Variants in PAX3 observed in about 807,000 individuals in gnomAD.
The protein encoded by PAX3 is paired box protein Pax-3.
Under a neutral mutation model 51.6 loss-of-function variants are expected in PAX3, and 14 were observed. The ratio of observed to expected loss-of-function variants is 0.27; its 90% CI spans 0.18 to 0.42. The LOEUF (loss-of-function observed/expected upper bound fraction) is 0.42, where lower values mean the gene tolerates loss of function less well. PAX3 is among the 10% of genes least tolerant of loss of function. The probability of loss-of-function intolerance (pLI) is 1.00; values close to 1 mark genes in which losing one functional copy is unlikely to be tolerated. For synonymous variants in PAX3, 280 were observed against 253.4 expected, an observed-to-expected ratio of 1.11 and a Z score of -1.00; for missense variants, 540 against 642.8, an observed-to-expected ratio of 0.84 and a Z score of 1.73.
chr2:222,213,199 G>C (rs1691815864), intron 7 of PAX3, among the ~76,000 whole-genome samples: 1 of 152,094 alleles, frequency 6.6e-6, no homozygotes, highest in Non-Finnish European at 1.5e-5. Flanking sequence ...CCAGGTCGTT[G>C]TCTCTTTCAC....
intron 4 of PAX3, among the ~76,000 whole-genome samples, chr2:222,240,968 C>CTGAT (rs1692991938): frequency 6.6e-6 from 1 of 152,148 alleles, no homozygotes; most frequent in African/African-American, 2.4e-5. Context: ...ATTAGGAAAA[C>CTGAT]TGATTAATTA....
intron 4 of PAX3, among the ~76,000 whole-genome samples, chr2:222,245,436 A>G (rs1326348379): frequency 6.6e-6 from 1 of 152,248 alleles, no homozygotes; most frequent in Admixed American, 6.5e-5. Flanking sequence ...GATCATTTTT[A>G]TTAGTGTCCA....
At chr2:222,250,333 CA>C (rs986755963) in intron 4 of PAX3, among the ~76,000 whole-genome samples, 2 of 152,078 alleles carry the variant, frequency 1.3e-5, no homozygotes, top group African/African-American at 4.8e-5. Flanking sequence ...TGAGAATTTG[CA>C]AACAACCTTG....
Position 222,298,546 on chromosome 2 carries a change from C to G in PAX3, c.70G>C (p.Gly24Arg). 1.2e-6 allele frequency: 2 copies of G among 1,605,192 alleles called. No individual in the cohort carries two copies. The highest frequency in any genetic ancestry group is 1.7e-6 in the Non-Finnish European group (2 of 1,176,468). Reference sequence around the variant, plus strand: ...CCTCCCTTACCTTCCAGCGGGAACCCGCTACGCGGGTAGTTCTGCCCCGGG... The same window carrying G: ...CCTCCCTTACCTTCCAGCGGGAACCGGCTACGCGGGTAGTTCTGCCCCGGG... Reference protein sequence around the residue: ...PGPGQNYPRSGFPLEVSTPLG... With the variant: ...PGPGQNYPRSRFPLEVSTPLG... Residue 24 changes from glycine to arginine, a missense_variant, in exon 1 of 9, where the codon GGG (glycine) becomes CGG (arginine). This residue lies in a region of PAX3 where 63 missense variants were observed against 49.9 expected (regional missense o/e 1.26). Coordinates refer to ENST00000392070, the MANE Select transcript of PAX3 (RefSeq NM_181458.4).
At chr2:222,221,543 G>C in intron 5 of PAX3, 156 bp from the exon 6 acceptor site, 2 of 720,324 alleles carry the variant, frequency 2.8e-6, no homozygotes, top group Non-Finnish European at 4.8e-6. Flanking sequence ...CGAATTGTCA[G>C]GAGTAAAAGA....
At chr2:222,244,403 A>C (rs982163340) in intron 4 of PAX3, among the ~76,000 whole-genome samples, 1 of 152,190 alleles carries the variant, frequency 6.6e-6, no homozygotes, top group Non-Finnish European at 1.5e-5. Context: ...TCATCAGCAA[A>C]GTAGGGTTTA....
chr2:222,221,600 T>G (rs1320311676), intron 5 of PAX3: 2 of 529,994 alleles, frequency 3.8e-6, no homozygotes, highest in Non-Finnish European at 6.8e-6. Flanking sequence ...GGACCCACCA[T>G]GATCTTGCAA....
chr2:222,238,657 A>G (rs1053878572), intron 4 of PAX3, among the ~76,000 whole-genome samples: 4 of 152,158 alleles, frequency 2.6e-5, no homozygotes, highest in African/African-American at 9.7e-5. Context: ...TTACTATAAG[A>G]TGGCCTCATA....
Position 222,201,384 on chromosome 2 carries a change from T to G in PAX3, c.*24A>C, listed in dbSNP as rs1160965299. On this transcript the variant is annotated 3_prime_UTR_variant, in exon 9 of 9. Coordinates refer to ENST00000392070, the MANE Select transcript of PAX3 (RefSeq NM_181458.4). ...TGCGAAGACCAGAAACAGGGCCAGT[T>G]TTAGCTCCAAGTGGACAGTTCACTT... The G allele has an allele frequency of 6.2e-7, 1 of 1,613,694 alleles. No homozygotes were observed. The highest frequency in any genetic ancestry group is 8.5e-7 in the Non-Finnish European group (1 of 1,180,004).
chr2:222,238,086 A>G (rs548803475), intron 4 of PAX3, among the ~76,000 whole-genome samples: 1 of 152,296 alleles, frequency 6.6e-6, no homozygotes, highest in East Asian at 1.9e-4. Context: ...TACACTTGGG[A>G]AAATGGACAT....
intron 5 of PAX3, among the ~76,000 whole-genome samples, chr2:222,222,831 C>T (rs753940060): frequency 6.6e-6 from 1 of 152,130 alleles, no homozygotes; most frequent in Non-Finnish European, 1.5e-5. Context: ...TAATTGCTCG[C>T]TAGAGGTAGA....
Position 222,277,103 on chromosome 2 carries a change from G to A in PAX3, c.586+17064C>T, listed in dbSNP as rs115681950. On this transcript the variant is annotated intron_variant, in intron 4 of 8. Transcript: ENST00000392070. ...GCTGAACAAGGACAAGGGTAGATGC[G>A]GTTTTGTGGGACCTGAAGCTTTTAC... 7.2e-3 allele frequency among the ~76,000 whole-genome samples: 1,089 copies of A among 152,220 alleles called. 12 individuals are homozygous for A. Among genetic ancestry groups the A allele is most frequent in the African/African-American group, 0.025 (1,036 of 41,510 alleles).
At chr2:222,269,200 GC>G (rs1271003836) in intron 4 of PAX3, among the ~76,000 whole-genome samples, 1 of 152,080 alleles carries the variant, frequency 6.6e-6, no homozygotes, top group African/African-American at 2.4e-5. Flanking sequence ...TGTTTCTTTA[GC>G]CCCTTTTTTC....
rs546739378 is a variant in PAX3, at chr2:222,277,846, A to G, written c.586+16321T>C. The stretch of plus-strand genomic sequence containing the variant: ...CTACTCGGGAGGCTGAGGCAGGAGA[A>G]TCGCTTGAACCCAGAAGGCGGAGGC... On this transcript the variant is annotated intron_variant, in intron 4 of 8. Coordinates refer to ENST00000392070, the MANE Select transcript of PAX3 (RefSeq NM_181458.4). Among the ~76,000 whole-genome samples the G allele has an allele frequency of 9.9e-5, 15 of 151,250 alleles. No individual in the cohort carries two copies. In the South Asian group the frequency reaches 2.9e-3, roughly 29 times the overall value.
In PAX3 at chr2:222,298,971, A is replaced by C. The variant is rs1242537384; in HGVS notation, c.-356T>G. 1 of 448,072 alleles carries C rather than the reference A, an allele frequency of 2.2e-6. No individual in the cohort carries two copies. The highest frequency in any genetic ancestry group is 4.0e-5 in the East Asian group (1 of 24,980). The allele number at this position is 448,072 out of a possible 1,614,324, so 27.8% of individuals were successfully genotyped here. ...GTGAGGCTGGAGCGCGGCCTGCCTG[A>C]GTCTCCTCCTGTGGTGACACCGAGT... On this transcript the variant is annotated 5_prime_UTR_variant, in exon 1 of 9. Transcript: ENST00000392070.
intron 8 of PAX3, 47 bp from the exon 9 acceptor site, chr2:222,201,489 AC>A: frequency 6.2e-7 from 1 of 1,611,646 alleles, no homozygotes; most frequent in East Asian, 2.2e-5. Flanking sequence ...GGGACAATTC[AC>A]AGTCAGGGGC....
intron 4 of PAX3, chr2:222,262,964 A>C (rs1693920828): frequency 6.6e-6 from 1 of 150,452 alleles, no homozygotes; most frequent in Admixed American, 6.6e-5. Flanking sequence ...TAAACCTAAC[A>C]CCACCACATA....
rs780114533 is a variant in PAX3, at chr2:222,229,901, G to A, written c.792+2177C>T. ...AAAGTTCATCTTAAATCTGCCCTCT[G>A]GGCCCAGCACAATGGCTCATGCCTA... is the stretch of plus-strand genomic sequence containing the variant. On this transcript the variant is annotated intron_variant, in intron 5 of 8. Coordinates refer to ENST00000392070, the MANE Select transcript of PAX3 (RefSeq NM_181458.4). 7.3e-4 allele frequency among the ~76,000 whole-genome samples: 111 copies of A among 152,148 alleles called. 1 individual carries two copies. Among genetic ancestry groups the A allele is most frequent in the Non-Finnish European group, 7.3e-5 (5 of 68,032 alleles).
At chr2:222,266,117 G>A (rs1301438739) in intron 4 of PAX3, among the ~76,000 whole-genome samples, 1 of 151,942 alleles carries the variant, frequency 6.6e-6, no homozygotes, top group Non-Finnish European at 1.5e-5. Flanking sequence ...TGTTTAGAAC[G>A]GGAAAAAAAA....
Sources: allele counts gnomAD v4.1 joint callset (sites outside exome capture counted in the v4.1 genomes callset), GRCh38; gene constraint gnomAD v4.1.1; regional missense constraint gnomAD v4.1.1; transcripts MANE v1.5; gene names NCBI Gene and HGNC (gene_info 2026-07-23, HGNC 2026-07-21).